Variants in CNTNAP5 observed in about 807,000 individuals in gnomAD.
CNTNAP5 encodes the protein contactin-associated protein-like 5.
A neutral mutation model predicts 150.2 loss-of-function variants in CNTNAP5; 72 were observed. That is an observed-to-expected ratio of 0.48 (90% CI 0.40 to 0.58). The LOEUF is 0.58. Ranked by LOEUF, CNTNAP5 falls within the 20% of genes least tolerant of loss-of-function variation. The probability of loss-of-function intolerance (pLI) is 0.00; values close to 1 mark genes in which losing one functional copy is unlikely to be tolerated. For missense variants in CNTNAP5, 1,636 were observed against 1,626.2 expected (o/e 1.01, Z -0.10); for synonymous variants, 672 against 619.8 (o/e 1.08, Z -1.25).
At chr2:124,793,968 T>G (rs2104637057) in intron 18 of CNTNAP5, among the ~76,000 whole-genome samples, 1 of 152,334 alleles carries the variant, frequency 6.6e-6, no homozygotes, top group East Asian at 1.9e-4. Flanking sequence ...AAATAATCAT[T>G]AATAGGGAAT....
intron 1 of CNTNAP5, among the ~76,000 whole-genome samples, chr2:124,140,200 C>T (rs1251934829): frequency 6.7e-6 from 1 of 149,514 alleles, no homozygotes; most frequent in Non-Finnish European, 1.5e-5. Context: ...AAGGCGGCAA[C>T]GAGGCTGGGG....
intron 3 of CNTNAP5, among the ~76,000 whole-genome samples, chr2:124,400,669 G>GTTTTTTTTTTTTTTTTTTTTTTTT (rs760418441): frequency 2.4e-5 from 2 of 84,498 alleles, no homozygotes. Flanking sequence ...TAAAGGCATT[G>GTTTTTTTTTTTTTTTTTTTTTTTT]TTTTTTTTTT....
At chr2:124,235,324 G>T (rs1686721923) in intron 2 of CNTNAP5, among the ~76,000 whole-genome samples, 1 of 152,050 alleles carries the variant, frequency 6.6e-6, no homozygotes, top group African/African-American at 2.4e-5. Context: ...ACTCACAGCT[G>T]AAGGATGAGT....
chr2:124,546,812 G>A (rs1169761304), intron 10 of CNTNAP5, among the ~76,000 whole-genome samples: 1 of 152,050 alleles, frequency 6.6e-6, no homozygotes, highest in African/African-American at 2.4e-5. Context: ...CATTTTTAGT[G>A]TCTGTGATTT....
chr2:124,192,553 A>G (rs569365397), intron 1 of CNTNAP5, among the ~76,000 whole-genome samples: 29 of 152,212 alleles, frequency 1.9e-4, no homozygotes, highest in African/African-American at 6.7e-4. Flanking sequence ...TTCACATCTA[A>G]TAGGCATATC....
At chr2:124,592,594 A>C (rs1696714078) in intron 11 of CNTNAP5, among the ~76,000 whole-genome samples, 1 of 152,066 alleles carries the variant, frequency 6.6e-6, no homozygotes, top group Admixed American at 6.6e-5. Flanking sequence ...CACATATCAA[A>C]TTAGCAATGA....
intron 19 of CNTNAP5, among the ~76,000 whole-genome samples, chr2:124,848,997 G>T (rs751521533): frequency 3.3e-5 from 5 of 151,976 alleles, no homozygotes; most frequent in Non-Finnish European, 7.4e-5. Context: ...GTGTGATGTG[G>T]TCTCATTTAT....
At chr2:124,281,131 T>C (rs1202548623) in intron 3 of CNTNAP5, among the ~76,000 whole-genome samples, 1 of 152,136 alleles carries the variant, frequency 6.6e-6, no homozygotes, top group South Asian at 2.1e-4. Context: ...TATGGGGCTA[T>C]AAAGCAGCAT....
intron 19 of CNTNAP5, among the ~76,000 whole-genome samples, chr2:124,842,937 A>T (rs148076399): frequency 6.6e-6 from 1 of 152,114 alleles, no homozygotes; most frequent in African/African-American, 2.4e-5. Flanking sequence ...TTTTGGGGGA[A>T]CAGGTGGTGT....
chr2:124,476,012 G>A (rs1693631400), intron 7 of CNTNAP5, among the ~76,000 whole-genome samples: 1 of 151,924 alleles, frequency 6.6e-6, no homozygotes, highest in Admixed American at 6.6e-5. Flanking sequence ...CTTATCTAGT[G>A]TTAGAGTATA....
chr2:124,520,485 TA>T (rs1428282635), intron 8 of CNTNAP5, among the ~76,000 whole-genome samples: 1 of 152,218 alleles, frequency 6.6e-6, no homozygotes, highest in African/African-American at 2.4e-5. Flanking sequence ...GAACAACATA[TA>T]AAATTGACTG....
At chr2:124,198,232 G>A (rs1175224296) in intron 1 of CNTNAP5, among the ~76,000 whole-genome samples, 1 of 151,360 alleles carries the variant, frequency 6.6e-6, no homozygotes, top group Non-Finnish European at 1.5e-5. Context: ...TTTTTCTACT[G>A]GGCCATCTGC....
chr2:124,609,063 G>A (rs1357731184), intron 11 of CNTNAP5, among the ~76,000 whole-genome samples: 1 of 152,098 alleles, frequency 6.6e-6, no homozygotes, highest in Non-Finnish European at 1.5e-5. Context: ...GTTGCACTCT[G>A]CTAGATGCTG....
chr2:124,193,673 T>C (rs1452073112), intron 1 of CNTNAP5, among the ~76,000 whole-genome samples: 5 of 152,212 alleles, frequency 3.3e-5, no homozygotes, highest in African/African-American at 7.2e-5. Flanking sequence ...AATACCTCAC[T>C]GGACAAGGAG....
chr2:124,441,132 G>C (rs1692663003), intron 5 of CNTNAP5, among the ~76,000 whole-genome samples: 1 of 151,980 alleles, frequency 6.6e-6, no homozygotes, highest in Non-Finnish European at 1.5e-5. Context: ...CACTAAACTT[G>C]TTTTGATATA....
chr2:124,171,684 C>T (rs1273586671), intron 1 of CNTNAP5, among the ~76,000 whole-genome samples: 1 of 152,178 alleles, frequency 6.6e-6, no homozygotes, highest in Non-Finnish European at 1.5e-5. Flanking sequence ...GCAAGGTGTC[C>T]TAGCCATTCT....
chr2:124,833,028 GTC>G (rs1682750695), intron 19 of CNTNAP5, among the ~76,000 whole-genome samples: 1 of 150,926 alleles, frequency 6.6e-6, no homozygotes, highest in Non-Finnish European at 1.5e-5. Context: ...TCCCACATCA[GTC>G]TCTCAAATAG....
rs372034527 is a variant in CNTNAP5 at position 124,917,643 on chromosome 2, C to T, written c.*3355C>T. 1.1e-4 allele frequency among the ~76,000 whole-genome samples: 16 copies of T among 152,024 alleles called. No homozygotes were observed. Among genetic ancestry groups the T allele is most frequent in the African/African-American group, 2.9e-4 (12 of 41,426 alleles). On this transcript the variant is annotated 3_prime_UTR_variant, in exon 24 of 24. Coordinates refer to ENST00000682447, the MANE Select transcript of CNTNAP5 (RefSeq NM_001367498.1). The stretch of plus-strand genomic sequence containing the variant: ...CTTTTGTCAGACTCATCTCCACCAA[C>T]GGGTAGCAAGAGCAGGATAGAACAA...
At chr2:124,099,896 C>G (rs1469702952) in intron 1 of CNTNAP5, among the ~76,000 whole-genome samples, 1 of 152,150 alleles carries the variant, frequency 6.6e-6, no homozygotes, top group African/African-American at 2.4e-5. Context: ...AATGAGACCT[C>G]CATCCATCTG....
Sources: gnomAD v4.1 joint callset for allele counts (sites outside exome capture counted in the v4.1 genomes callset) on GRCh38, gnomAD v4.1.1 for gene constraint, MANE v1.5 for transcripts, NCBI Gene and HGNC (gene_info 2026-07-23, HGNC 2026-07-21) for gene names.